The following PTPRA variants were observed in gnomAD, a reference collection of about 807,000 sequenced individuals.
PTPRA encodes the protein protein tyrosine phosphatase receptor type A, also known as receptor-type tyrosine-protein phosphatase alpha.
PTPRA carries 25 observed loss-of-function variants against 104.8 expected under a neutral mutation model. The observed-to-expected ratio is 0.24, with a 90% CI of 0.17 to 0.33. The LOEUF is 0.33. Among genes scored for constraint, PTPRA ranks in the 10% least tolerant of loss-of-function variants. The pLI is 1.00. For synonymous variants in PTPRA, 323 were observed against 368.9 expected (o/e 0.88, Z 1.43); for missense variants, 765 against 1,015.3 (o/e 0.75, Z 3.35).
intron 1 of PTPRA, among the ~76,000 whole-genome samples, chr20:2,891,954 T>A (rs1298147872): frequency 2.6e-5 from 4 of 152,154 alleles, no homozygotes; most frequent in Non-Finnish European, 4.4e-5. Context: ...TGGTTTTATT[T>A]GTTTATTTTT....
chr20:3,025,691 G>A (rs1441735800), intron 17 of PTPRA, among the ~76,000 whole-genome samples: 1 of 150,276 alleles, frequency 6.7e-6, no homozygotes, highest in African/African-American at 2.4e-5. Context: ...CCAACACGGA[G>A]AAACTCTGTC....
chr20:2,936,651 T>C (rs929373661), intron 2 of PTPRA, among the ~76,000 whole-genome samples: 17 of 152,020 alleles, frequency 1.1e-4, no homozygotes, highest in Non-Finnish European at 2.2e-4. Flanking sequence ...TGGGGTTTTT[T>C]TGGTAGAGAC....
the PTPRA span, chr20:2,864,232 G>C: frequency 6.2e-7 from 1 of 1,614,218 alleles, no homozygotes; most frequent in South Asian, 1.1e-5. This position sits in a 1 kb window ranked among gnomAD's most constrained non-coding sequence, Gnocchi z 5.2. Context: ...TCCTAAAGAT[G>C]AAGAGGAGCA....
chr20:3,022,283 G>A lies in PTPRA; in HGVS notation c.1328+63G>A. On this transcript the variant is annotated intron_variant, in intron 15 of 23. Coordinates refer to ENST00000399903, the MANE Select transcript of PTPRA (RefSeq NM_001385305.1). The surrounding 1 kb of genome is among the most constrained non-coding windows in gnomAD (Gnocchi z 4.6). ...TTTCGCCCCCATGGCCAGAGCAGGG[G>A]AACAGCACAAGGGCCCTGGCTGAGG... is the stretch of plus-strand genomic sequence containing the variant. 1 of 1,577,818 alleles carries A rather than the reference G, an allele frequency of 6.3e-7. No individual in the cohort carries two copies. The highest frequency in any genetic ancestry group is 2.2e-5 in the East Asian group (1 of 44,662).
the PTPRA span, among the ~76,000 whole-genome samples, chr20:2,867,241 G>A: frequency 6.6e-6 from 1 of 152,226 alleles, no homozygotes; most frequent in Non-Finnish European, 1.5e-5. Flanking sequence ...AATTTGCACT[G>A]CAGTGGTGAT....
rs1386716370 is a variant in PTPRA, at chr20:2,950,592, G to A, written c.-7+2568G>A. 4.6e-5 allele frequency among the ~76,000 whole-genome samples: 7 copies of A among 151,310 alleles called. No homozygotes were observed. The highest frequency in any genetic ancestry group is 2.9e-5 in the Non-Finnish European group (2 of 67,846). ...CAGGAGGCGGAGGTTGCAGTGAGCC[G>A]AGATCGCACCACTGCACTCCAGCCT... On this transcript the variant is annotated intron_variant, in intron 3 of 23. Coordinates refer to ENST00000399903, the MANE Select transcript of PTPRA (RefSeq NM_001385305.1). The surrounding 1 kb of genome is among the most constrained non-coding windows in gnomAD (Gnocchi z 4.0).
At chr20:2,911,342 C>T (rs951965246) in intron 1 of PTPRA, among the ~76,000 whole-genome samples, 1 of 152,152 alleles carries the variant, frequency 6.6e-6, no homozygotes, top group South Asian at 2.1e-4. Context: ...CACACTGATA[C>T]TGCATTCACT....
chr20:2,907,482 T>C (rs145816643), intron 1 of PTPRA, among the ~76,000 whole-genome samples: 2,348 of 152,310 alleles, frequency 0.015, 123 homozygotes, highest in Admixed American at 0.09. Context: ...AATTCAGATA[T>C]TTTTCATAGA....
intron 1 of PTPRA, among the ~76,000 whole-genome samples, chr20:2,875,487 A>G (rs1336738498): frequency 6.6e-6 from 1 of 152,202 alleles, no homozygotes; most frequent in Non-Finnish European, 1.5e-5. Context: ...TGACTTCAGT[A>G]CATTCATGTG....
At position 3,035,522 on chromosome 20, in the gene PTPRA, G is replaced by C; in HGVS notation, c.1921-63G>C. On this transcript the variant is annotated intron_variant, in intron 20 of 23. Coordinates refer to ENST00000399903, the MANE Select transcript of PTPRA (RefSeq NM_001385305.1). The surrounding 1 kb of genome is among the most constrained non-coding windows in gnomAD (Gnocchi z 5.8). ...ACTGAGAGGGGTCAGGCTGCTCGTG[G>C]GCAGTGCTGCTTCTACACATGTGGT... 6.5e-7 allele frequency: 1 copy of C among 1,527,392 alleles called. No homozygotes were observed. Among genetic ancestry groups the C allele is most frequent in the Non-Finnish European group, 9.0e-7 (1 of 1,108,344 alleles). The allele number at this position is 1,527,392 out of a possible 1,614,324, so 94.6% of individuals were successfully genotyped here.
At chr20:2,888,191 A>T (rs1374823721) in intron 1 of PTPRA, among the ~76,000 whole-genome samples, 17 of 152,194 alleles carry the variant, frequency 1.1e-4, no homozygotes. Context: ...CAGTAGTGCC[A>T]TCAGCAGCAG....
intron 9 of PTPRA, among the ~76,000 whole-genome samples, chr20:2,991,375 A>G (rs1160988057): frequency 2.6e-5 from 4 of 152,032 alleles, no homozygotes; most frequent in African/African-American, 9.7e-5. Context: ...CAAAAAAAAA[A>G]AAAAAAAATT....
At chr20:2,998,451 G>A (rs1157905325) in intron 9 of PTPRA, among the ~76,000 whole-genome samples, 1 of 152,206 alleles carries the variant, frequency 6.6e-6, no homozygotes, top group Non-Finnish European at 1.5e-5. Flanking sequence ...TCACAGTCCT[G>A]TGGGAATTAG....
At chr20:2,988,689 A>T (rs2063011122) in intron 9 of PTPRA, among the ~76,000 whole-genome samples, 1 of 152,240 alleles carries the variant, frequency 6.6e-6, no homozygotes, top group Non-Finnish European at 1.5e-5. Flanking sequence ...CCATTCAGTC[A>T]TCATCACATC....
intron 17 of PTPRA, among the ~76,000 whole-genome samples, chr20:3,025,928 G>T (rs1381899170): frequency 6.6e-6 from 1 of 150,978 alleles, no homozygotes; most frequent in Non-Finnish European, 1.5e-5. Flanking sequence ...TAGAGCTTGA[G>T]ATTCTGCATT....
At position 3,006,754 on chromosome 20, in the gene PTPRA, A is replaced by G. The variant is rs1239295968; in HGVS notation, c.830-590A>G. On this transcript the variant is annotated intron_variant, in intron 10 of 23. Transcript: ENST00000399903. ...GCCATTTTCCTGCTTCAGCCTCCCA[A>G]GTAGCTGGGACTACCTATAGGCACA... 3.3e-5 allele frequency among the ~76,000 whole-genome samples: 5 copies of G among 152,142 alleles called. No individual in the cohort carries two copies. In the East Asian group the frequency reaches 7.7e-4, roughly 23 times the overall value.
intron 1 of PTPRA, among the ~76,000 whole-genome samples, chr20:2,909,797 A>G (rs2059563841): frequency 7.5e-6 from 1 of 132,622 alleles, no homozygotes; most frequent in African/African-American, 2.9e-5. Flanking sequence ...TATATATTAG[A>G]TAATATATAT....
At chr20:2,985,978 G>A (rs147423704) in intron 6 of PTPRA, among the ~76,000 whole-genome samples, 6 of 151,890 alleles carry the variant, frequency 4.0e-5, no homozygotes, top group East Asian at 1.9e-4. Context: ...GTACAGGCCC[G>A]GCTCACTGTA....
At chr20:2,910,596 TTTTGTTTTTTTTAA>T (rs2059682113) in intron 1 of PTPRA, among the ~76,000 whole-genome samples, 1 of 126,724 alleles carries the variant, frequency 7.9e-6, no homozygotes, top group African/African-American at 3.3e-5. Context: ...TTTGTTTTTT[TTTTGTTTTTTTTAA>T]TTTTTTTTTT....
Sources: gnomAD v4.1 joint callset for allele counts (sites outside exome capture counted in the v4.1 genomes callset) on GRCh38, gnomAD v4.1.1 for gene constraint, Gnocchi (gnomAD v3.1) non-coding constraint, MANE v1.5 for transcripts, NCBI Gene and HGNC (gene_info 2026-07-23, HGNC 2026-07-21) for gene names.